Variants in RTF1 observed in about 807,000 individuals in gnomAD.
RTF1 encodes the protein RTF1 homolog, Paf1/RNA polymerase II complex component, also known as RNA polymerase-associated protein RTF1 homolog.
In RTF1, 10 loss-of-function variants were observed where a neutral mutation model predicts 95.7. The observed-to-expected ratio is 0.10, with a 90% CI of 0.06 to 0.18. The LOEUF is 0.18. RTF1 is among the 10% of genes least tolerant of loss of function. The pLI is 1.00. For missense variants in RTF1, 458 were observed against 875.6 expected (o/e 0.52, Z 6.02); for synonymous variants, 305 against 311.8 (o/e 0.98, Z 0.23).
At position 41,483,396 on chromosome 15, in the gene RTF1, CATA is replaced by C. The variant is rs1405313689; in HGVS notation, c.*2712_*2714del. The C allele has an allele frequency of 6.6e-6, 1 of 152,606 alleles. No homozygotes were observed. The highest frequency in any genetic ancestry group is 6.5e-5 in the Admixed American group (1 of 15,274). 9.5% of individuals were successfully genotyped at this position (152,606 alleles called of 1,614,324 possible). On this transcript the variant is annotated 3_prime_UTR_variant, in exon 18 of 18. Transcript: ENST00000389629. Reference sequence around the variant, plus strand: ...AAGGCCAGTGTCCATCTGCCTAGTTCATAATGTTTATAGGTCTGTTTGTCTGTC... The same window carrying C: ...AAGGCCAGTGTCCATCTGCCTAGTTCATGTTTATAGGTCTGTTTGTCTGTC...
At chr15:41,471,713 C>G (rs1021558023) in intron 8 of RTF1, among the ~76,000 whole-genome samples, 2 of 151,992 alleles carry the variant, frequency 1.3e-5, no homozygotes, top group East Asian at 3.9e-4. Flanking sequence ...TACCAAGTGA[C>G]TTCTACACCA....
At chr15:41,451,509 A>C (rs2050789466) in intron 2 of RTF1, among the ~76,000 whole-genome samples, 1 of 152,184 alleles carries the variant, frequency 6.6e-6, no homozygotes, top group Non-Finnish European at 1.5e-5. Context: ...AGTGCAAATT[A>C]CAGGTTCCTT....
At chr15:41,425,013 A>T (rs2050621587) in intron 1 of RTF1, among the ~76,000 whole-genome samples, 2 of 152,120 alleles carry the variant, frequency 1.3e-5, no homozygotes, top group Non-Finnish European at 2.9e-5. Flanking sequence ...AAAAAAACAA[A>T]AGAAAAAAAG....
In RTF1 at chr15:41,438,441, G is replaced by A. The variant is rs1439193938; in HGVS notation, c.309+10G>A. On this transcript the variant is annotated intron_variant, in intron 2 of 17. Coordinates refer to ENST00000389629, the MANE Select transcript of RTF1 (RefSeq NM_015138.5). ...TGACAGTGACGATGAGGTGGGTGTG[G>A]AGGGCCTCGGCTTCTGGGACCATTA... 2.0e-6 allele frequency: 3 copies of A among 1,536,264 alleles called. No homozygotes were observed. In the South Asian group the frequency reaches 3.6e-5, roughly 18 times the overall value.
rs749609319 is a variant in RTF1 at position 41,482,912 on chromosome 15, A to C, written c.*2225A>C. On this transcript the variant is annotated 3_prime_UTR_variant, in exon 18 of 18. Transcript: ENST00000389629. ...TGATCCACCATGTAGATCTGTATTT[A>C]GTATCATTTGGATTTGGAGAAGTGT... 3 of 152,232 alleles carry C rather than the reference A, an allele frequency of 2.0e-5. No individual in the cohort carries two copies. Among genetic ancestry groups the C allele is most frequent in the Non-Finnish European group, 4.4e-5 (3 of 67,956 alleles). 9.4% of individuals were successfully genotyped at this position (152,232 alleles called of 1,614,324 possible). A position where few individuals can be genotyped will look rare whatever the true frequency, so the allele number is the denominator to read the frequency against.
chr15:41,459,606 G>A (rs1323840063), intron 4 of RTF1, among the ~76,000 whole-genome samples: 2 of 152,066 alleles, frequency 1.3e-5, no homozygotes, highest in African/African-American at 2.4e-5. Context: ...GCTTCAAATT[G>A]TTCACGCTCC....
intron 3 of RTF1, among the ~76,000 whole-genome samples, chr15:41,456,938 G>T (rs1459710130): frequency 6.6e-6 from 1 of 152,046 alleles, no homozygotes; most frequent in African/African-American, 2.4e-5. Context: ...ACAAAAATCA[G>T]CTGGACGTGG....
At chr15:41,453,480 CTT>C (rs1447477720) in intron 3 of RTF1, among the ~76,000 whole-genome samples, 3 of 152,256 alleles carry the variant, frequency 2.0e-5, no homozygotes, top group African/African-American at 7.2e-5. Context: ...AATCTCAACA[CTT>C]TGGGAGGCCA....
intron 2 of RTF1, among the ~76,000 whole-genome samples, chr15:41,452,372 G>C (rs1275487945): frequency 6.6e-6 from 1 of 152,096 alleles, no homozygotes; most frequent in East Asian, 1.9e-4. Context: ...GGAGGTCAAG[G>C]CTGCTAAGAG....
intron 1 of RTF1, among the ~76,000 whole-genome samples, chr15:41,433,043 C>T (rs1007542946): frequency 6.6e-6 from 1 of 151,924 alleles, no homozygotes; most frequent in Non-Finnish European, 1.5e-5. Context: ...ATCAGGAGTT[C>T]GAGACCATCC....
intron 4 of RTF1, among the ~76,000 whole-genome samples, chr15:41,464,252 C>G (rs1352285016): frequency 6.7e-6 from 1 of 149,522 alleles, no homozygotes; most frequent in Admixed American, 6.7e-5. Context: ...TTCTCTTTCT[C>G]TCTCTTTTTT....
At chr15:41,418,863 AT>A (rs898471572) in intron 1 of RTF1, among the ~76,000 whole-genome samples, 9 of 149,764 alleles carry the variant, frequency 6.0e-5, no homozygotes. Flanking sequence ...TTATTTATTT[AT>A]TTTTTTTTGA....
In RTF1 at chr15:41,480,690, A is replaced by ACACC; in HGVS notation, c.*6_*9dup. On this transcript the variant is annotated 3_prime_UTR_variant, in exon 18 of 18. Transcript: ENST00000389629. ...AAAAACGACGAGGGCTTATTTGAGC[A>ACACC]CACCCAGCCTGCTGCTTCTGACCCT... is the stretch of plus-strand genomic sequence containing the variant. 1 of 1,605,150 alleles carries ACACC rather than the reference A, an allele frequency of 6.2e-7. No individual in the cohort carries two copies.
rs1187100198 is a variant in RTF1, at chr15:41,466,359, G to A, written c.889+107G>A. 8 of 674,264 alleles carry A rather than the reference G, an allele frequency of 1.2e-5. No individual in the cohort carries two copies. The South Asian group carries it at 1.3e-4, about 11-fold the overall frequency. 41.8% of individuals were successfully genotyped at this position (674,264 alleles called of 1,614,324 possible). On this transcript the variant is annotated intron_variant, in intron 6 of 17. Coordinates refer to ENST00000389629, the MANE Select transcript of RTF1 (RefSeq NM_015138.5). The stretch of plus-strand genomic sequence containing the variant: ...TATATCTTTCTCATATAAAATTCCA[G>A]CACATACCCAGAATAGTATAAACAT...
rs887578062 is a variant in RTF1, at chr15:41,481,981, G to T, written c.*1294G>T. ...TGTAATCCCAGCTACTCGGGGGGCT[G>T]AGACAGGAGAATCCCTTGAACCTGG... On this transcript the variant is annotated 3_prime_UTR_variant, in exon 18 of 18. Transcript: ENST00000389629. 2 of 152,268 alleles carry T rather than the reference G, an allele frequency of 1.3e-5. No individual in the cohort carries two copies. The highest frequency in any genetic ancestry group is 1.3e-4 in the Admixed American group (2 of 15,278). 9.4% of individuals were successfully genotyped at this position (152,268 alleles called of 1,614,324 possible). A position where few individuals can be genotyped will look rare whatever the true frequency, so the allele number is the denominator to read the frequency against.
At chr15:41,418,820 A>T (rs2140942154) in intron 1 of RTF1, among the ~76,000 whole-genome samples, 1 of 151,640 alleles carries the variant, frequency 6.6e-6, no homozygotes, top group South Asian at 2.1e-4. Flanking sequence ...AGAAAAAGAA[A>T]GTATTAAGGC....
chr15:41,474,111 A>T (rs2050930231), intron 8 of RTF1, among the ~76,000 whole-genome samples: 1 of 152,102 alleles, frequency 6.6e-6, no homozygotes, highest in Non-Finnish European at 1.5e-5. Context: ...TCCTGGCTTC[A>T]AGTAATCCTC....
At position 41,475,561 on chromosome 15, in the gene RTF1, T is replaced by C. The variant is rs760183142; in HGVS notation, c.1323T>C (p.Phe441=). 1 of 1,614,222 alleles carries C rather than the reference T, an allele frequency of 6.2e-7. No homozygotes were observed. The highest frequency in any genetic ancestry group is 1.1e-5 in the South Asian group (1 of 91,088). Residue 441 remains phenylalanine (F), a synonymous_variant, in exon 10 of 18, where the codon TTT becomes TTC. Transcript: ENST00000389629. ...GNDQRVFRLE[F]VSNQEFTESE... ...ACCAACGCGTGTTCCGTTTAGAGTT[T>C]GTCTCAAACCAAGAATTCACCGAAA...
At chr15:41,445,896 C>T (rs760584287) in intron 2 of RTF1, among the ~76,000 whole-genome samples, 4 of 151,958 alleles carry the variant, frequency 2.6e-5, no homozygotes, top group African/African-American at 7.3e-5. Context: ...CTACCACGCC[C>T]AGCTAATTTT....
Sources: gnomAD v4.1 joint callset for allele counts (sites outside exome capture counted in the v4.1 genomes callset) on GRCh38, gnomAD v4.1.1 for gene constraint, MANE v1.5 for transcripts, NCBI Gene and HGNC (gene_info 2026-07-23, HGNC 2026-07-21) for gene names.